WASF1: variants seen among roughly 807,000 people sequenced by gnomAD.
The protein encoded by WASF1 is actin-binding protein WASF1.
WASF1 carries 7 observed loss-of-function variants against 50.5 expected under a neutral mutation model. That is an observed-to-expected ratio of 0.14 (90% CI 0.08 to 0.26). The LOEUF is 0.26. Ranked by LOEUF, WASF1 falls within the 10% of genes least tolerant of loss-of-function variation. The probability of loss-of-function intolerance (pLI) is 1.00; values close to 1 mark genes in which losing one functional copy is unlikely to be tolerated. For synonymous variants in WASF1, 205 were observed against 244.0 expected, an observed-to-expected ratio of 0.84 and a Z score of 1.49; for missense variants, 470 against 694.7, an observed-to-expected ratio of 0.68 and a Z score of 3.64.
At chr6:110,120,900 G>C (rs1226991785) in intron 4 of WASF1, among the ~76,000 whole-genome samples, 1 of 152,150 alleles carries the variant, frequency 6.6e-6, no homozygotes, top group Non-Finnish European at 1.5e-5. Context: ...ACAACCATCT[G>C]ATCTTTGACA....
rs758844302 is a variant in WASF1, at chr6:110,102,192, A to T, written c.918T>A (p.Asn306Lys). The change falls in exon 10 of 11, where the codon AAT becomes AAA. Residue 306 changes from asparagine to lysine, a missense_variant. By Grantham distance (94) the Asn-to-Lys change is moderately conservative. Transcript: ENST00000392589. ...CISSATGLIE[N>K]RPQSPATGRT... ...TGCCTGTAGCTGGTGACTGAGGGCG[A>T]TTTTCTATCAAACCTGTAGCAGAAC... The T allele has an allele frequency of 9.9e-6, 14 of 1,411,934 alleles. No individual in the cohort carries two copies. The highest frequency in any genetic ancestry group is 1.3e-5 in the Non-Finnish European group (14 of 1,079,308). 87.5% of individuals were successfully genotyped at this position (1,411,934 alleles called of 1,614,324 possible).
rs1328005364 is a variant in WASF1, at chr6:110,100,479, G to C, written c.*43C>G. Reference sequence around the variant, plus strand: ...TTTTCAAGGAACAAGCACCACAAAGGACATTTGCATTCAGTTTTGTAATAT... The same window carrying C: ...TTTTCAAGGAACAAGCACCACAAAGCACATTTGCATTCAGTTTTGTAATAT... On this transcript the variant is annotated 3_prime_UTR_variant, in exon 11 of 11. Coordinates refer to ENST00000392589, the MANE Select transcript of WASF1 (RefSeq NM_003931.3). 6.4e-7 allele frequency: 1 copy of C among 1,558,256 alleles called. No homozygotes were observed. Among genetic ancestry groups the C allele is most frequent in the Admixed American group, 1.8e-5 (1 of 55,708 alleles).
At chr6:110,169,255 G>T (rs1042194767) in intron 2 of WASF1, among the ~76,000 whole-genome samples, 1 of 152,052 alleles carries the variant, frequency 6.6e-6, no homozygotes, top group African/African-American at 2.4e-5. Context: ...TGTGCTATCA[G>T]TCTGCCAGAC....
intron 4 of WASF1, among the ~76,000 whole-genome samples, chr6:110,124,311 C>A (rs1774326420): frequency 1.4e-5 from 1 of 71,804 alleles, no homozygotes; most frequent in African/African-American, 5.5e-5. Context: ...TATATATATG[C>A]CCTTGTATTC....
chr6:110,100,394 TG>T lies in WASF1; in HGVS notation c.*127del. ...TATTTTCCTTAGAAATCAAAAGTTA[TG>T]GAGGAAAAGGGTCATTTATTATAAG... On this transcript the variant is annotated 3_prime_UTR_variant, in exon 11 of 11. Coordinates refer to ENST00000392589, the MANE Select transcript of WASF1 (RefSeq NM_003931.3). 1.2e-6 allele frequency: 1 copy of T among 866,552 alleles called. No individual in the cohort carries two copies. The highest frequency in any genetic ancestry group is 1.6e-6 in the Non-Finnish European group (1 of 608,556). The allele number at this position is 866,552 out of a possible 1,614,324, so 53.7% of individuals were successfully genotyped here.
At chr6:110,128,664 TGTGA>T (rs1774520146) in intron 3 of WASF1, among the ~76,000 whole-genome samples, 1 of 152,226 alleles carries the variant, frequency 6.6e-6, no homozygotes, top group Non-Finnish European at 1.5e-5. Context: ...GCATATTAAC[TGTGA>T]GTAATTGCAC....
chr6:110,179,164 C>T (rs994810361), intron 1 of WASF1, among the ~76,000 whole-genome samples: 2 of 152,204 alleles, frequency 1.3e-5, no homozygotes, highest in African/African-American at 4.8e-5. Flanking sequence ...CCCACAGTCT[C>T]TCCAGCGAGA....
intron 9 of WASF1, among the ~76,000 whole-genome samples, chr6:110,102,853 T>C (rs1773154790): frequency 6.6e-6 from 1 of 152,164 alleles, no homozygotes; most frequent in Admixed American, 6.5e-5. Flanking sequence ...AAGATTAAAC[T>C]TCAAAATAGC....
intron 2 of WASF1, among the ~76,000 whole-genome samples, 167 bp from the exon 3 acceptor site, chr6:110,160,899 A>T (rs893592548): frequency 1.3e-5 from 2 of 151,666 alleles, no homozygotes; most frequent in Non-Finnish European, 3.0e-5. Flanking sequence ...AAATGAGAGG[A>T]TCAATATAGT....
rs1372338326 is a variant in WASF1, at chr6:110,100,474, C to G, written c.*48G>C. 6.5e-7 allele frequency: 1 copy of G among 1,543,264 alleles called. No homozygotes were observed. The highest frequency in any genetic ancestry group is 8.8e-7 in the Non-Finnish European group (1 of 1,137,630). On this transcript the variant is annotated 3_prime_UTR_variant, in exon 11 of 11. Coordinates refer to ENST00000392589, the MANE Select transcript of WASF1 (RefSeq NM_003931.3). ...AAACATTTTCAAGGAACAAGCACCA[C>G]AAAGGACATTTGCATTCAGTTTTGT...
chr6:110,155,127 A>C, intron 3 of WASF1, among the ~76,000 whole-genome samples: 1 of 152,036 alleles, frequency 6.6e-6, no homozygotes, highest in Non-Finnish European at 1.5e-5. Flanking sequence ...ACATATTTTC[A>C]GCTTTGTCTA....
At chr6:110,139,344 C>A (rs1319499722) in intron 3 of WASF1, among the ~76,000 whole-genome samples, 1 of 152,224 alleles carries the variant, frequency 6.6e-6, no homozygotes, top group African/African-American at 2.4e-5. Flanking sequence ...AGGGCTCCCA[C>A]CCCACCAACT....
chr6:110,154,966 A>G (rs572902342), intron 3 of WASF1, among the ~76,000 whole-genome samples: 2 of 152,204 alleles, frequency 1.3e-5, no homozygotes, highest in Admixed American at 1.3e-4. Context: ...ATATAAAAGG[A>G]CATAATATGC....
At chr6:110,160,772 T>C (rs1046325540) in intron 2 of WASF1, 40 bp from the exon 3 acceptor site, 11 of 151,756 alleles carry the variant, frequency 7.2e-5, no homozygotes, top group African/African-American at 2.4e-4. Context: ...CCAACATTTA[T>C]TATTCCTTGT....
intron 3 of WASF1, among the ~76,000 whole-genome samples, chr6:110,151,630 T>C (rs1198715820): frequency 1.3e-5 from 2 of 148,532 alleles, no homozygotes; most frequent in Admixed American, 1.3e-4. Context: ...AATACTACTT[T>C]ATATTTGTAG....
chr6:110,142,969 A>AAC (rs1775321639), intron 3 of WASF1, among the ~76,000 whole-genome samples: 1 of 150,686 alleles, frequency 6.6e-6, no homozygotes, highest in African/African-American at 2.4e-5. Flanking sequence ...AAAAAAAAAA[A>AAC]AAAACTAAAG....
At chr6:110,111,224 T>G (rs187782455) in intron 5 of WASF1, among the ~76,000 whole-genome samples, 27 of 152,318 alleles carry the variant, frequency 1.8e-4, no homozygotes, top group African/African-American at 6.5e-4. Context: ...AGTTGAGTTA[T>G]CTGAAAAACA....
chr6:110,122,769 T>C (rs976361718), intron 4 of WASF1, among the ~76,000 whole-genome samples: 4 of 152,192 alleles, frequency 2.6e-5, no homozygotes, highest in Non-Finnish European at 5.9e-5. Context: ...AGCAACAGTT[T>C]ATGTTCTCGG....
chr6:110,123,605 A>C (rs1003705144), intron 4 of WASF1, among the ~76,000 whole-genome samples: 1 of 152,226 alleles, frequency 6.6e-6, no homozygotes, highest in Non-Finnish European at 1.5e-5. Context: ...GCAAGAAAAG[A>C]GCCTTGAAGT....
Sources: allele counts gnomAD v4.1 joint callset (sites outside exome capture counted in the v4.1 genomes callset), GRCh38; gene constraint gnomAD v4.1.1; transcripts MANE v1.5; gene names NCBI Gene and HGNC (gene_info 2026-07-23, HGNC 2026-07-21).